The following GABBR1 variants were observed in gnomAD, a reference collection of about 807,000 sequenced individuals.
GABBR1 encodes the protein gamma-aminobutyric acid type B receptor subunit 1, also known as GABA-B receptor, R1 subunit.
A neutral mutation model predicts 117.7 loss-of-function variants in GABBR1; 35 were observed. The ratio of observed to expected loss-of-function variants is 0.30; its 90% CI spans 0.23 to 0.39. The LOEUF (loss-of-function observed/expected upper bound fraction) is 0.39, where lower values mean the gene tolerates loss of function less well. Ranked by LOEUF, GABBR1 falls within the 10% of genes least tolerant of loss-of-function variation. The pLI is 1.00. For synonymous variants in GABBR1, 442 were observed against 486.6 expected (o/e 0.91, Z 1.21); for missense variants, 709 against 1,241.8 (o/e 0.57, Z 6.45).
In GABBR1 at chr6:29,631,482, C is replaced by T; in HGVS notation, c.203G>A (p.Arg68Gln). The change falls in exon 3 of 23, where the codon CGG becomes CAG. Residue 68 changes from arginine (R) to glutamine (Q), a missense_variant. Physicochemically the swap from Arg to Gln is conservative, Grantham distance 43. Around this residue, in one of 9 missense-constraint regions of GABBR1, gnomAD observed 101 missense variants for 132.3 expected, o/e 0.76. Coordinates refer to ENST00000377034, the MANE Select transcript of GABBR1 (RefSeq NM_001470.4). This position sits in a 1 kb window ranked among gnomAD's most constrained non-coding sequence, Gnocchi z 5.9. ...PVDYEIEYVC[R>Q]GEREVVGPKV... Reference sequence around the variant, plus strand: ...GGGCCCCACCACCTCGCGCTCCCCCCGGCACACATACTCAATCTCATAGTC... The same window carrying T: ...GGGCCCCACCACCTCGCGCTCCCCCTGGCACACATACTCAATCTCATAGTC... The T allele has an allele frequency of 6.2e-7, 1 of 1,614,206 alleles. No homozygotes were observed. Among genetic ancestry groups the T allele is most frequent in the Non-Finnish European group, 8.5e-7 (1 of 1,180,038 alleles).
At position 29,613,956 on chromosome 6, in the gene GABBR1, C is replaced by G. The variant is rs1000435898; in HGVS notation, c.1324-471G>C. 2.2e-4 allele frequency among the ~76,000 whole-genome samples: 33 copies of G among 152,304 alleles called. No individual in the cohort carries two copies. Among genetic ancestry groups the G allele is most frequent in the African/African-American group, 7.9e-4 (33 of 41,562 alleles). ...ATAGCAGTCTTCTCACTCTGCTTGCCAGCCAGGAGGATATTTCTTCAGCAT... is the reference window on the plus strand; with the variant it reads ...ATAGCAGTCTTCTCACTCTGCTTGCGAGCCAGGAGGATATTTCTTCAGCAT... On this transcript the variant is annotated intron_variant, in intron 11 of 22. Transcript: ENST00000377034. This position sits in a 1 kb window ranked among gnomAD's most constrained non-coding sequence, Gnocchi z 4.1.
Position 29,613,220 on chromosome 6 carries a change from G to A in GABBR1, c.1566+23C>T. 1 of 1,609,898 alleles carries A rather than the reference G, an allele frequency of 6.2e-7. No individual in the cohort carries two copies. Among genetic ancestry groups the A allele is most frequent in the Non-Finnish European group, 8.5e-7 (1 of 1,177,348 alleles). On this transcript the variant is annotated intron_variant, in intron 12 of 22. Transcript: ENST00000377034. The surrounding 1 kb of genome is among the most constrained non-coding windows in gnomAD (Gnocchi z 4.1). Reference sequence around the variant, plus strand: ...CTCTCAAGATTGGGAAGACAGGGGAGTATGAAGGAAGTTTTAACTCACAGA... The same window carrying A: ...CTCTCAAGATTGGGAAGACAGGGGAATATGAAGGAAGTTTTAACTCACAGA...
At position 29,621,832 on chromosome 6, in the gene GABBR1, G is replaced by T. The variant is rs1295547151; in HGVS notation, c.1066-15C>A. The T allele has an allele frequency of 3.1e-6, 5 of 1,613,894 alleles. No homozygotes were observed. The African/African-American group carries it at 5.3e-5, about 17-fold the overall frequency. ...GCATCCTGGCGCTACAACAGAGAAA[G>T]AAACAGCTCCTGAGGGATGCCCGGG... On this transcript the variant is annotated splice_polypyrimidine_tract_variant and intron_variant, in intron 9 of 22. Coordinates refer to ENST00000377034, the MANE Select transcript of GABBR1 (RefSeq NM_001470.4). This position sits in a 1 kb window ranked among gnomAD's most constrained non-coding sequence, Gnocchi z 5.0.
In GABBR1 at chr6:29,603,198, G is replaced by A. The variant is rs749753761; in HGVS notation, c.*345C>T. 2.4e-5 allele frequency: 12 copies of A among 510,206 alleles called. No individual in the cohort carries two copies. In the Admixed American group the frequency reaches 2.7e-4, roughly 12 times the overall value. The allele number at this position is 510,206 out of a possible 1,614,324, so 31.6% of individuals were successfully genotyped here. Reference sequence around the variant, plus strand: ...CAAAGGCAGAGGAGCTGCAGGGGTTGCCGTGGTAACTAGAAGAGGGTGTTG... The same window carrying A: ...CAAAGGCAGAGGAGCTGCAGGGGTTACCGTGGTAACTAGAAGAGGGTGTTG... On this transcript the variant is annotated 3_prime_UTR_variant, in exon 23 of 23. Coordinates refer to ENST00000377034, the MANE Select transcript of GABBR1 (RefSeq NM_001470.4).
chr6:29,628,063 G>T (rs1252198760), intron 5 of GABBR1: 9 of 1,045,534 alleles, frequency 8.6e-6, no homozygotes, highest in Admixed American at 5.5e-5. Context: ...GGGGCTGGGA[G>T]GGGGCTCTGA....
rs1763848325 is a variant in GABBR1, at chr6:29,622,427, C to T, written c.964-222G>A. On this transcript the variant is annotated intron_variant, in intron 8 of 22. Transcript: ENST00000377034. The surrounding 1 kb of genome is among the most constrained non-coding windows in gnomAD (Gnocchi z 4.6). Reference sequence around the variant, plus strand: ...TGGGAAGGTGAATGGTGAGCCCCTGCTGAGGCTCTGTGTGGGGGAAGCCAC... The same window carrying T: ...TGGGAAGGTGAATGGTGAGCCCCTGTTGAGGCTCTGTGTGGGGGAAGCCAC... The T allele has an allele frequency of 1.6e-5, 9 of 567,514 alleles. No homozygotes were observed. The South Asian group carries it at 2.0e-4, about 13-fold the overall frequency. The allele number at this position is 567,514 out of a possible 1,614,324, so 35.2% of individuals were successfully genotyped here. A position where few individuals can be genotyped will look rare whatever the true frequency, so the allele number is the denominator to read the frequency against.
Position 29,602,509 on chromosome 6 carries a change from A to AT in GABBR1, c.*1033_*1034insA. ...ATTGTGAGTGTAGACTGAGGGTAGT[A>AT]CATGAATGCAATGGAGATGGGGGGA... On this transcript the variant is annotated 3_prime_UTR_variant, in exon 23 of 23. Coordinates refer to ENST00000377034, the MANE Select transcript of GABBR1 (RefSeq NM_001470.4). The AT allele has an allele frequency of 1.2e-5, 2 of 163,148 alleles. No homozygotes were observed. Among genetic ancestry groups the AT allele is most frequent in the South Asian group, 1.6e-4 (1 of 6,298 alleles). The allele number at this position is 163,148 out of a possible 1,614,324, so 10.1% of individuals were successfully genotyped here.
Position 29,632,230 on chromosome 6 carries a change from C to T in GABBR1, c.85+71G>A, listed in dbSNP as rs1765061588. 2 of 936,136 alleles carry T rather than the reference C, an allele frequency of 2.1e-6. No homozygotes were observed. Among genetic ancestry groups the T allele is most frequent in the Non-Finnish European group, 3.0e-6 (2 of 662,866 alleles). The allele number at this position is 936,136 out of a possible 1,614,324, so 58.0% of individuals were successfully genotyped here. A position where few individuals can be genotyped will look rare whatever the true frequency, so the allele number is the denominator to read the frequency against. On this transcript the variant is annotated intron_variant, in intron 2 of 22. Transcript: ENST00000377034. The surrounding 1 kb of genome is among the most constrained non-coding windows in gnomAD (Gnocchi z 5.8). ...GGACTGATGGGATAGTGATGAGGAC[C>T]AGAAATGAGGAGATGCAGGGAAAGG...
chr6:29,632,513 G>T lies in GABBR1; in HGVS notation c.1-128C>A. 1.0e-6 allele frequency: 1 copy of T among 957,528 alleles called. No homozygotes were observed. Among genetic ancestry groups the T allele is most frequent in the Non-Finnish European group, 1.4e-6 (1 of 692,956 alleles). The allele number at this position is 957,528 out of a possible 1,614,324, so 59.3% of individuals were successfully genotyped here. On this transcript the variant is annotated intron_variant, in intron 1 of 22. Transcript: ENST00000377034. This position sits in a 1 kb window ranked among gnomAD's most constrained non-coding sequence, Gnocchi z 5.8. The stretch of plus-strand genomic sequence containing the variant: ...GGCTCAGCCTGGGGACCAAGAGAGC[G>T]CCCCGCGGAGGAGGCGGGGGCGGAG...
rs924850921 is a variant in GABBR1, at chr6:29,606,779, C to T, written c.2217+118G>A. 4.3e-5 allele frequency: 34 copies of T among 797,656 alleles called. No homozygotes were observed. Among genetic ancestry groups the T allele is most frequent in the African/African-American group, 2.4e-4 (14 of 57,934 alleles). The allele number at this position is 797,656 out of a possible 1,614,324, so 49.4% of individuals were successfully genotyped here. A position where few individuals can be genotyped will look rare whatever the true frequency, so the allele number is the denominator to read the frequency against. ...GGAAGGAAAGGAAGAGCTTCCAATA[C>T]GAGGAAGGCACTCTCTCCAAGTAGC... On this transcript the variant is annotated intron_variant, in intron 18 of 22. Coordinates refer to ENST00000377034, the MANE Select transcript of GABBR1 (RefSeq NM_001470.4). This position sits in a 1 kb window ranked among gnomAD's most constrained non-coding sequence, Gnocchi z 4.5.
intron 6 of GABBR1, among the ~76,000 whole-genome samples, chr6:29,625,416 A>G (rs1764171259): frequency 6.6e-6 from 1 of 152,232 alleles, no homozygotes; most frequent in Admixed American, 6.5e-5. Context: ...TCAACAGGGC[A>G]AGGCATGCCC....
intron 6 of GABBR1, among the ~76,000 whole-genome samples, chr6:29,626,996 T>C (rs1270794813): frequency 2.0e-5 from 3 of 151,930 alleles, no homozygotes; most frequent in African/African-American, 7.3e-5. Flanking sequence ...AAACTAGAGC[T>C]CTCAAGTCTC....
Position 29,627,587 on chromosome 6 carries a change from G to T in GABBR1, c.556C>A (p.Gln186Lys). 1 of 1,578,722 alleles carries T rather than the reference G, an allele frequency of 6.3e-7. No individual in the cohort carries two copies. Among genetic ancestry groups the T allele is most frequent in the Non-Finnish European group, 8.6e-7 (1 of 1,163,466 alleles). ...ATCTCCACCGCGGGCTGGCAGGCCT[G>T]GCCCCCTGGCCAGCCCCCGCTCATG... The part of the protein sequence containing the change: ...FPMSGGWPGG[Q>K]ACQPAVEMAL... The change falls in exon 6 of 23, where the codon CAG (glutamine) becomes AAG (lysine). Residue 186 changes from glutamine to lysine, a missense_variant. Coordinates refer to ENST00000377034, the MANE Select transcript of GABBR1 (RefSeq NM_001470.4). This position sits in a 1 kb window ranked among gnomAD's most constrained non-coding sequence, Gnocchi z 4.4.
intron 11 of GABBR1, among the ~76,000 whole-genome samples, chr6:29,615,156 G>A (rs1455563835): frequency 6.6e-6 from 1 of 151,870 alleles, no homozygotes; most frequent in Non-Finnish European, 1.5e-5. Flanking sequence ...ATGGTGGTGT[G>A]CACTTGCAGT....
rs745741566 is a variant in GABBR1, at chr6:29,630,106, A to G, written c.475+352T>C. 11 of 247,200 alleles carry G rather than the reference A, an allele frequency of 4.4e-5. No individual in the cohort carries two copies. The highest frequency in any genetic ancestry group is 1.1e-4 in the African/African-American group (5 of 45,032). The allele number at this position is 247,200 out of a possible 1,614,324, so 15.3% of individuals were successfully genotyped here. A position where few individuals can be genotyped will look rare whatever the true frequency, so the allele number is the denominator to read the frequency against. ...GATGAATTCTAGAAGAGGGTGATGC[A>G]TGGAAATTTCTAAGTTTAGAGAAAG... On this transcript the variant is annotated intron_variant, in intron 4 of 22. Transcript: ENST00000377034. This position sits in a 1 kb window ranked among gnomAD's most constrained non-coding sequence, Gnocchi z 4.9.
intron 14 of GABBR1, 35 bp downstream of exon 14, chr6:29,610,889 G>T: frequency 6.4e-7 from 1 of 1,564,972 alleles, no homozygotes; most frequent in Non-Finnish European, 8.8e-7. Context: ...ACTGTCGAGA[G>T]GGGCTGAAGG....
In GABBR1 at chr6:29,604,047, C is replaced by T. The variant is rs1761691462; in HGVS notation, c.2713-331G>A. ...GATGTGTCAACCCAGTTGGAACATC[C>T]CTCTCTTTGGCATTGCACCAGCCCC... On this transcript the variant is annotated intron_variant, in intron 22 of 22. Transcript: ENST00000377034. This position sits in a 1 kb window ranked among gnomAD's most constrained non-coding sequence, Gnocchi z 5.3. Among the ~76,000 whole-genome samples the T allele has an allele frequency of 6.6e-6, 1 of 152,032 alleles. No individual in the cohort carries two copies. The highest frequency in any genetic ancestry group is 2.4e-5 in the African/African-American group (1 of 41,384).
rs1270856453 is a variant in GABBR1, at chr6:29,623,211, A to T, written c.963+94T>A. 2.7e-6 allele frequency: 3 copies of T among 1,111,190 alleles called. No homozygotes were observed. The highest frequency in any genetic ancestry group is 3.9e-6 in the Non-Finnish European group (3 of 768,412). The allele number at this position is 1,111,190 out of a possible 1,614,324, so 68.8% of individuals were successfully genotyped here. On this transcript the variant is annotated intron_variant, in intron 8 of 22. Transcript: ENST00000377034. This position sits in a 1 kb window ranked among gnomAD's most constrained non-coding sequence, Gnocchi z 6.2. ...ATGCGTTCTCTTTCAATGAAGAATC[A>T]AGTTCTTGCCCCTAAAAGTGACTCT...
chr6:29,626,635 A>G (rs1276304356), intron 6 of GABBR1, among the ~76,000 whole-genome samples: 1 of 152,024 alleles, frequency 6.6e-6, no homozygotes, highest in Middle Eastern at 3.2e-3. Flanking sequence ...AGAGGCCACA[A>G]TGCTATAAGG....
Sources: allele counts gnomAD v4.1 joint callset (sites outside exome capture counted in the v4.1 genomes callset), GRCh38; gene constraint gnomAD v4.1.1; regional missense constraint gnomAD v4.1.1; non-coding constraint Gnocchi (gnomAD v3.1); transcripts MANE v1.5; gene names NCBI Gene and HGNC (gene_info 2026-07-23, HGNC 2026-07-21).